Variants in DACH2 observed in about 807,000 individuals in gnomAD.
The protein encoded by DACH2 is dachshund family transcription factor 2.
DACH2 carries 17 observed loss-of-function variants against 35.8 expected under a neutral mutation model. The observed-to-expected ratio is 0.48, with a 90% CI of 0.33 to 0.71. The LOEUF is 0.71. DACH2 is among the 30% of genes least tolerant of loss of function. DACH2 has a pLI of 0.02. For missense variants in DACH2, 469 were observed against 472.7 expected, an observed-to-expected ratio of 0.99 and a Z score of 0.07; for synonymous variants, 195 against 177.3, an observed-to-expected ratio of 1.10 and a Z score of -0.79.
chrX:86,752,653 C>A (rs971591185), intron 7 of DACH2, among the ~76,000 whole-genome samples: 10 of 111,119 alleles, frequency 9.0e-5, no homozygotes, highest in African/African-American at 2.3e-4. Flanking sequence ...TGTCTTGGAT[C>A]AGAACATAGC....
At chrX:86,321,745 G>C (rs1490978290) in intron 1 of DACH2, among the ~76,000 whole-genome samples, 1 of 112,039 alleles carries the variant, frequency 8.9e-6, no homozygotes, top group African/African-American at 3.2e-5. Context: ...GTGAGGGTTT[G>C]GCCTAGAAGC....
intron 2 of DACH2, among the ~76,000 whole-genome samples, chrX:86,416,753 G>A (rs908425176): frequency 1.8e-5 from 2 of 110,757 alleles, no homozygotes; most frequent in Non-Finnish European, 3.8e-5. Flanking sequence ...CACATGGCAA[G>A]AGAGGGAGCA....
rs968897585 is a variant in DACH2, at chrX:86,827,749, T to C, written c.1751-4357T>C. 50 of 1,162,618 alleles carry C rather than the reference T, an allele frequency of 4.3e-5. No homozygotes were observed. The Admixed American group carries it at 7.0e-4, about 16-fold the overall frequency. ...CGAATGAAATTTTGACCAGGTCTTA[T>C]TGTTTTTTCTGTGCAGCCTGAACAC... On this transcript the variant is annotated intron_variant, in intron 11 of 11. Coordinates refer to ENST00000373125, the MANE Select transcript of DACH2 (RefSeq NM_053281.3).
intron 3 of DACH2, 110 bp from the exon 4 acceptor site, chrX:86,650,926 T>C: frequency 1.5e-6 from 1 of 657,500 alleles, no homozygotes; most frequent in African/African-American, 2.3e-5. Context: ...AGCCTCAGTA[T>C]CATGCAATAT....
intron 6 of DACH2, among the ~76,000 whole-genome samples, chrX:86,718,598 T>C: frequency 8.9e-6 from 1 of 112,036 alleles, no homozygotes; most frequent in Non-Finnish European, 1.9e-5. Context: ...TTATAGTATT[T>C]TTATAATTTC....
At chrX:86,278,929 A>G (rs747027869) in intron 1 of DACH2, among the ~76,000 whole-genome samples, 5 of 112,060 alleles carry the variant, frequency 4.5e-5, no homozygotes, top group Admixed American at 2.8e-4. Context: ...GCCTCCAGAA[A>G]GTTTGAAGTG....
intron 2 of DACH2, among the ~76,000 whole-genome samples, chrX:86,474,347 A>G (rs1318104116): frequency 1.8e-5 from 2 of 111,704 alleles, no homozygotes; most frequent in South Asian, 3.7e-4. Context: ...TTTGCTGTGC[A>G]TAAGCATTTT....
At chrX:86,465,911 T>C (rs2037658329) in intron 2 of DACH2, among the ~76,000 whole-genome samples, 1 of 111,904 alleles carries the variant, frequency 8.9e-6, no homozygotes, top group Non-Finnish European at 1.9e-5. Flanking sequence ...TGCTATGTGA[T>C]TTTTCATAGC....
intron 3 of DACH2, among the ~76,000 whole-genome samples, chrX:86,532,886 T>C (rs1370390623): frequency 9.0e-6 from 1 of 111,256 alleles, no homozygotes; most frequent in Non-Finnish European, 1.9e-5. Context: ...AAACAATGTT[T>C]TAGAAATGCA....
At chrX:86,604,851 A>G (rs2039837094) in intron 3 of DACH2, among the ~76,000 whole-genome samples, 1 of 111,577 alleles carries the variant, frequency 9.0e-6, no homozygotes, top group Non-Finnish European at 1.9e-5. Flanking sequence ...TGTATGAGAA[A>G]GATATGGATA....
At chrX:86,292,732 G>T (rs140145408) in intron 1 of DACH2, among the ~76,000 whole-genome samples, 1 of 110,400 alleles carries the variant, frequency 9.1e-6, no homozygotes, top group Non-Finnish European at 1.9e-5. Context: ...GTAGTTGAGC[G>T]GTTTTGAGTG....
At chrX:86,564,155 GC>G (rs1423444670) in intron 3 of DACH2, among the ~76,000 whole-genome samples, 3 of 110,687 alleles carry the variant, frequency 2.7e-5, no homozygotes, top group Non-Finnish European at 3.8e-5. Context: ...TATTGACACA[GC>G]TTTTCTATTT....
chrX:86,626,413 G>C (rs1002311494), intron 3 of DACH2, among the ~76,000 whole-genome samples: 1 of 112,494 alleles, frequency 8.9e-6, no homozygotes, highest in Non-Finnish European at 1.9e-5. Context: ...GGCTTTTCCA[G>C]GCACATGGTG....
At chrX:86,818,985 A>G (rs1433485301) in intron 11 of DACH2, among the ~76,000 whole-genome samples, 1 of 107,283 alleles carries the variant, frequency 9.3e-6, no homozygotes, top group Non-Finnish European at 1.9e-5. Context: ...TATATATATA[A>G]GATTTTATAT....
intron 3 of DACH2, among the ~76,000 whole-genome samples, chrX:86,641,796 T>C (rs2040350315): frequency 8.9e-6 from 1 of 111,923 alleles, no homozygotes; most frequent in African/African-American, 3.2e-5. Flanking sequence ...TGGGGGCCTA[T>C]ATTTATTCAA....
chrX:86,545,767 G>T (rs1009472801), intron 3 of DACH2, among the ~76,000 whole-genome samples: 4 of 111,431 alleles, frequency 3.6e-5, no homozygotes, highest in African/African-American at 1.3e-4. Flanking sequence ...TTAGGGAAAA[G>T]AAACTTTATT....
intron 2 of DACH2, among the ~76,000 whole-genome samples, chrX:86,496,319 G>A (rs1231775324): frequency 5.4e-5 from 6 of 110,359 alleles, no homozygotes; most frequent in Non-Finnish European, 1.1e-4. Flanking sequence ...TCCTTAGGAC[G>A]TTTTTCTTGG....
intron 4 of DACH2, among the ~76,000 whole-genome samples, chrX:86,684,687 G>A (rs2040921340): frequency 9.1e-6 from 1 of 109,977 alleles, no homozygotes; most frequent in Non-Finnish European, 1.9e-5. Context: ...TGAAAAATGA[G>A]TGTTGTAAAT....
At chrX:86,745,938 G>A (rs1446091837) in intron 7 of DACH2, among the ~76,000 whole-genome samples, 2 of 111,162 alleles carry the variant, frequency 1.8e-5, no homozygotes, top group African/African-American at 6.5e-5. Context: ...TCTGATTGGT[G>A]TGAGATGGTA....
Sources: allele counts gnomAD v4.1 joint callset (sites outside exome capture counted in the v4.1 genomes callset), GRCh38; gene constraint gnomAD v4.1.1; transcripts MANE v1.5; gene names NCBI Gene and HGNC (gene_info 2026-07-23, HGNC 2026-07-21).